The following ASCC3 variants were observed in gnomAD, a reference collection of about 807,000 sequenced individuals.
ASCC3 encodes activating signal cointegrator 1 complex subunit 3, also known as ASC-1 complex subunit P200.
In ASCC3, 158 loss-of-function variants were observed where a neutral mutation model predicts 256.3. That is an observed-to-expected ratio of 0.62 (90% CI 0.54 to 0.70). ASCC3 has a LOEUF of 0.70. ASCC3 is among the 30% of genes least tolerant of loss of function. The pLI is 0.00. For missense variants in ASCC3, 2,259 were observed against 2,626.0 expected (o/e 0.86, Z 3.05); for synonymous variants, 948 against 883.4 (o/e 1.07, Z -1.30).
rs1781315318 is a variant in ASCC3 at position 100,759,037 on chromosome 6, CTT to C, written c.1737+7526_1737+7527del. On this transcript the variant is annotated intron_variant, in intron 10 of 41. Transcript: ENST00000369162. The stretch of plus-strand genomic sequence containing the variant: ...ATATGTTTGTCGTCCACATAAATGT[CTT>C]CTTTTGAGAAGTGTCTGTTCATATC... Among the ~76,000 whole-genome samples, 3 of 152,278 alleles carry C rather than the reference CTT, an allele frequency of 2.0e-5. No homozygotes were observed. The South Asian group carries it at 6.2e-4, about 32-fold the overall frequency.
chr6:100,583,798 G>A (rs150905746), intron 36 of ASCC3, among the ~76,000 whole-genome samples: 6,130 of 152,074 alleles, frequency 0.04, 142 homozygotes, highest in African/African-American at 0.065. Context: ...CTTTGTTCTC[G>A]TTGGTTTCAA....
intron 3 of ASCC3, among the ~76,000 whole-genome samples, chr6:100,855,110 C>CTT (rs66722196): frequency 2.6e-4 from 38 of 147,922 alleles, no homozygotes; most frequent in South Asian, 6.4e-4. Flanking sequence ...TGTCAAGAAC[C>CTT]TTTTTTTTTT....
At chr6:100,706,924 C>T (rs1219225068) in intron 13 of ASCC3, among the ~76,000 whole-genome samples, 1 of 152,016 alleles carries the variant, frequency 6.6e-6, no homozygotes, top group Non-Finnish European at 1.5e-5. Flanking sequence ...ATGTAAAAGA[C>T]CATTGCCTTA....
chr6:100,816,090 T>C (rs1216890992), intron 4 of ASCC3, among the ~76,000 whole-genome samples: 1 of 151,700 alleles, frequency 6.6e-6, no homozygotes, highest in Non-Finnish European at 1.5e-5. Flanking sequence ...CATTAGGAAG[T>C]GGGCAAAGGA....
chr6:100,652,987 TTTAG>T (rs1775743897), intron 17 of ASCC3, 98 bp from the exon 18 acceptor site: 2 of 1,171,496 alleles, frequency 1.7e-6, no homozygotes, highest in Non-Finnish European at 2.5e-6. Flanking sequence ...TTCTTAATGT[TTTAG>T]TTAGACTTTT....
chr6:100,654,317 AG>A (rs1245208807), intron 17 of ASCC3, among the ~76,000 whole-genome samples: 1 of 151,258 alleles, frequency 6.6e-6, no homozygotes, highest in Non-Finnish European at 1.5e-5. Flanking sequence ...AAAAAAAAAA[AG>A]GGTCAAGATT....
intron 11 of ASCC3, among the ~76,000 whole-genome samples, chr6:100,719,696 T>TG (rs1377543151): frequency 6.6e-6 from 1 of 151,988 alleles, no homozygotes; most frequent in African/African-American, 2.4e-5. Flanking sequence ...GTCTATACAC[T>TG]ATACCTATTT....
At chr6:100,599,530 T>C (rs1370858579) in intron 34 of ASCC3, among the ~76,000 whole-genome samples, 1 of 152,138 alleles carries the variant, frequency 6.6e-6, no homozygotes, top group Non-Finnish European at 1.5e-5. Context: ...TGTAGTATTG[T>C]ATAAATGTTA....
At chr6:100,757,253 AAC>A (rs911372676) in intron 10 of ASCC3, among the ~76,000 whole-genome samples, 6 of 150,844 alleles carry the variant, frequency 4.0e-5, no homozygotes, top group Non-Finnish European at 5.9e-5. Flanking sequence ...TACACACACA[AAC>A]ACACACACAC....
intron 36 of ASCC3, among the ~76,000 whole-genome samples, chr6:100,543,795 C>A (rs1775578940): frequency 6.6e-6 from 1 of 151,998 alleles, no homozygotes; most frequent in Non-Finnish European, 1.5e-5. Context: ...TTAATAATCA[C>A]TAAAACAAGT....
intron 1 of ASCC3, among the ~76,000 whole-genome samples, chr6:100,870,724 T>C (rs1773701620): frequency 6.6e-6 from 1 of 152,138 alleles, no homozygotes. Flanking sequence ...AGATTTCAAC[T>C]ACCTGTTGGG....
chr6:100,659,042 G>C (rs561116919), intron 16 of ASCC3, among the ~76,000 whole-genome samples: 29 of 151,324 alleles, frequency 1.9e-4, no homozygotes, highest in Admixed American at 7.9e-4. Flanking sequence ...ATTATGCATC[G>C]ATAAGCAAAT....
At chr6:100,684,757 A>T (rs1777475399) in intron 13 of ASCC3, among the ~76,000 whole-genome samples, 1 of 151,976 alleles carries the variant, frequency 6.6e-6, no homozygotes, top group Admixed American at 6.6e-5. Context: ...AACTAGGAAT[A>T]AAAAAATCGG....
intron 13 of ASCC3, among the ~76,000 whole-genome samples, chr6:100,692,914 T>G (rs1777905764): frequency 6.6e-6 from 1 of 152,064 alleles, no homozygotes; most frequent in Non-Finnish European, 1.5e-5. Context: ...ACTTTTTTTA[T>G]AAAATAAAAT....
intron 10 of ASCC3, among the ~76,000 whole-genome samples, chr6:100,763,449 C>A (rs1221296433): frequency 1.3e-5 from 2 of 152,080 alleles, no homozygotes; most frequent in African/African-American, 4.8e-5. Flanking sequence ...TTTGAAAATA[C>A]ATAAATCTGT....
intron 30 of ASCC3, among the ~76,000 whole-genome samples, chr6:100,615,276 C>T (rs1773611070): frequency 6.6e-6 from 1 of 152,152 alleles, no homozygotes; most frequent in Non-Finnish European, 1.5e-5. Context: ...CTCAGCCCAG[C>T]TACTGATTTT....
rs554667429 is a variant in ASCC3 at position 100,541,293 on chromosome 6, T to TA, written c.5551-907dup. ...CAACTGCCAACTTCCTCCAAAAAAT[T>TA]AAAAAAAAAAAAAAGACAAAAACCT... On this transcript the variant is annotated intron_variant, in intron 36 of 41. Transcript: ENST00000369162. 2.2e-3 allele frequency among the ~76,000 whole-genome samples: 303 copies of TA among 134,672 alleles called. 1 individual carries two copies. In the East Asian group the frequency reaches 0.027, roughly 12 times the overall value. 88.4% of individuals were successfully genotyped at this position (134,672 alleles called of 152,430 possible).
chr6:100,585,048 C>A (rs373179227), intron 36 of ASCC3, among the ~76,000 whole-genome samples: 13 of 152,154 alleles, frequency 8.5e-5, no homozygotes, highest in South Asian at 4.2e-4. Flanking sequence ...GAATCTGACA[C>A]TTATGTGTCT....
chr6:100,659,474 A>G (rs1159477395), intron 16 of ASCC3, among the ~76,000 whole-genome samples: 3 of 151,464 alleles, frequency 2.0e-5, no homozygotes, highest in African/African-American at 7.2e-5. Flanking sequence ...ATGTCAGGAT[A>G]TATGTTTTAT....
Sources: gnomAD v4.1 joint callset for allele counts (sites outside exome capture counted in the v4.1 genomes callset) on GRCh38, gnomAD v4.1.1 for gene constraint, MANE v1.5 for transcripts, NCBI Gene and HGNC (gene_info 2026-07-23, HGNC 2026-07-21) for gene names.